The following ADARB2 variants were observed in gnomAD, a reference collection of about 807,000 sequenced individuals.
The protein encoded by ADARB2 is inactive double-stranded RNA-specific editase B2.
ADARB2 carries 25 observed loss-of-function variants against 62.2 expected under a neutral mutation model. The ratio of observed to expected loss-of-function variants is 0.40; its 90% CI spans 0.29 to 0.56. ADARB2 has a LOEUF of 0.56. Ranked by LOEUF, ADARB2 falls within the 20% of genes least tolerant of loss-of-function variation. The pLI is 0.43. For synonymous variants in ADARB2, 572 were observed against 500.8 expected (o/e 1.14, Z -1.90); for missense variants, 1,071 against 1,077.4 (o/e 0.99, Z 0.08).
At chr10:1,387,945 AAATC>A (rs1480334192) in intron 1 of ADARB2, among the ~76,000 whole-genome samples, 2 of 152,102 alleles carry the variant, frequency 1.3e-5, no homozygotes, top group African/African-American at 2.4e-5. Flanking sequence ...TACAGTTTGA[AAATC>A]AATCAATGTA....
chr10:1,623,171 G>A (rs959931676), intron 1 of ADARB2, among the ~76,000 whole-genome samples: 5 of 152,170 alleles, frequency 3.3e-5, no homozygotes, highest in African/African-American at 1.2e-4. Flanking sequence ...GGCTGGGGGT[G>A]GGATTGGATT....
Position 1,554,652 on chromosome 10 carries a change from G to A in ADARB2, c.101-175492C>T, listed in dbSNP as rs189460277. On this transcript the variant is annotated intron_variant, in intron 1 of 9. Coordinates refer to ENST00000381312, the MANE Select transcript of ADARB2 (RefSeq NM_018702.4). ...TTGTGGGCATCAGTAGGTCCTTTCC[G>A]ATTTCAAGCAACATGTGTGTCCTGG... is the stretch of plus-strand genomic sequence containing the variant. Among the ~76,000 whole-genome samples, 226 of 152,252 alleles carry A rather than the reference G, an allele frequency of 1.5e-3. 2 individuals are homozygous for A. The Middle Eastern group carries it at 0.027, about 18-fold the overall frequency.
Position 1,440,326 on chromosome 10 carries a change from A to G in ADARB2, c.101-61166T>C, listed in dbSNP as rs143510448. ...CACTGATGAGCTAGGTGACCGTGGG[A>G]CAGTCAATCTGATCCTCATGGTGTG... On this transcript the variant is annotated intron_variant, in intron 1 of 9. Coordinates refer to ENST00000381312, the MANE Select transcript of ADARB2 (RefSeq NM_018702.4). Among the ~76,000 whole-genome samples the G allele has an allele frequency of 3.5e-3, 532 of 152,266 alleles. 4 individuals are homozygous for G. The highest frequency in any genetic ancestry group is 0.012 in the African/African-American group (498 of 41,558).
rs547305872 is a variant in ADARB2, at chr10:1,687,379, A to G, written c.100+49672T>C. ...GGTGGCTTCTCCTCCCTGCCTAAGT[A>G]AAGGAAGAGTTTCCTGAATTGTGAG... is the stretch of plus-strand genomic sequence containing the variant. On this transcript the variant is annotated intron_variant, in intron 1 of 9. Coordinates refer to ENST00000381312, the MANE Select transcript of ADARB2 (RefSeq NM_018702.4). 1.3e-4 allele frequency among the ~76,000 whole-genome samples: 20 copies of G among 149,832 alleles called. No individual in the cohort carries two copies. The South Asian group carries it at 4.2e-3, about 31-fold the overall frequency.
chr10:1,219,572 G>T (rs1416798883), intron 6 of ADARB2, among the ~76,000 whole-genome samples: 1 of 152,206 alleles, frequency 6.6e-6, no homozygotes, highest in Non-Finnish European at 1.5e-5. Flanking sequence ...GCGAATGAGA[G>T]GTATTGAGCC....
chr10:1,599,554 A>C (rs545074367), intron 1 of ADARB2, among the ~76,000 whole-genome samples: 2 of 152,130 alleles, frequency 1.3e-5, no homozygotes, highest in African/African-American at 4.8e-5. Context: ...GTTAATTAAT[A>C]TTTTAATACA....
chr10:1,569,588 G>A (rs1285633309), intron 1 of ADARB2, among the ~76,000 whole-genome samples: 1 of 152,192 alleles, frequency 6.6e-6, no homozygotes, highest in Non-Finnish European at 1.5e-5. Flanking sequence ...GAGCTGCAGA[G>A]GAGGAGGCCT....
Position 1,504,367 on chromosome 10 carries a change from C to T in ADARB2, c.101-125207G>A, listed in dbSNP as rs150612183. 3.0e-4 allele frequency among the ~76,000 whole-genome samples: 45 copies of T among 152,354 alleles called. 1 individual carries two copies. Among genetic ancestry groups the T allele is most frequent in the African/African-American group, 9.4e-4 (39 of 41,598 alleles). On this transcript the variant is annotated intron_variant, in intron 1 of 9. Coordinates refer to ENST00000381312, the MANE Select transcript of ADARB2 (RefSeq NM_018702.4). ...TTCATTTTTCCAACACTCAGCCCAC[C>T]CCTTACTTTTTCCCCTCTTTAATGG...
intron 1 of ADARB2, among the ~76,000 whole-genome samples, chr10:1,458,880 A>G (rs1046313745): frequency 6.6e-6 from 1 of 151,466 alleles, no homozygotes; most frequent in Non-Finnish European, 1.5e-5. Flanking sequence ...AAGAACAAAC[A>G]TATTTAAAAA....
intron 1 of ADARB2, among the ~76,000 whole-genome samples, chr10:1,380,319 A>AT (rs1832471785): frequency 6.6e-6 from 1 of 152,222 alleles, no homozygotes. Context: ...TGGCTGTGGT[A>AT]TTGGCTACTT....
intron 4 of ADARB2, among the ~76,000 whole-genome samples, chr10:1,268,112 C>A (rs1831223836): frequency 2.0e-5 from 3 of 151,992 alleles, no homozygotes; most frequent in Non-Finnish European, 4.4e-5. Context: ...ACATTACAAA[C>A]ATAATAATGG....
chr10:1,737,177 A>C lies in ADARB2; in HGVS notation c.-27T>G, dbSNP rs776620651. 1 of 1,600,582 alleles carries C rather than the reference A, an allele frequency of 6.2e-7. No individual in the cohort carries two copies. Among genetic ancestry groups the C allele is most frequent in the Non-Finnish European group, 8.5e-7 (1 of 1,178,600 alleles). On this transcript the variant is annotated 5_prime_UTR_variant, in exon 1 of 10. Transcript: ENST00000381312. ...GCCGAGACCCAGGCGCGGAGCCCAGAGCCGCCTCCCTCCTGCACCTGCACC... is the reference window on the plus strand; with the variant it reads ...GCCGAGACCCAGGCGCGGAGCCCAGCGCCGCCTCCCTCCTGCACCTGCACC...
At chr10:1,435,263 G>C (rs1263982234) in intron 1 of ADARB2, among the ~76,000 whole-genome samples, 2 of 152,214 alleles carry the variant, frequency 1.3e-5, no homozygotes, top group Non-Finnish European at 2.9e-5. Flanking sequence ...AGACAAGAGC[G>C]GGGCTCAGGC....
chr10:1,403,619 C>T (rs1832683336), intron 1 of ADARB2, among the ~76,000 whole-genome samples: 1 of 152,168 alleles, frequency 6.6e-6, no homozygotes, highest in Non-Finnish European at 1.5e-5. Context: ...AGGGGCCCGG[C>T]AGCTGCCCAC....
intron 1 of ADARB2, among the ~76,000 whole-genome samples, chr10:1,638,510 T>G (rs1024003604): frequency 2.6e-5 from 4 of 152,008 alleles, no homozygotes; most frequent in African/African-American, 9.7e-5. Context: ...CATGAGGTTT[T>G]TTTTTTTGGT....
chr10:1,442,637 C>T (rs1174056514), intron 1 of ADARB2, among the ~76,000 whole-genome samples: 1 of 152,222 alleles, frequency 6.6e-6, no homozygotes, highest in African/African-American at 2.4e-5. Flanking sequence ...AGCAGTCGTA[C>T]TCTTGAGAGT....
At chr10:1,623,968 T>C (rs1833736678) in intron 1 of ADARB2, among the ~76,000 whole-genome samples, 1 of 152,170 alleles carries the variant, frequency 6.6e-6, no homozygotes, top group African/African-American at 2.4e-5. Flanking sequence ...GTGCAGTGAC[T>C]CACACGTATG....
chr10:1,670,632 C>T (rs369382506), intron 1 of ADARB2, among the ~76,000 whole-genome samples: 7 of 152,224 alleles, frequency 4.6e-5, no homozygotes, highest in East Asian at 3.8e-4. Flanking sequence ...AACCTGGTGC[C>T]TGGACACCTG....
At chr10:1,603,016 ACATACACACAT>A (rs1833442744) in intron 1 of ADARB2, among the ~76,000 whole-genome samples, 2 of 140,284 alleles carry the variant, frequency 1.4e-5, no homozygotes, top group Non-Finnish European at 3.2e-5. Flanking sequence ...CTGTACACAC[ACATACACACAT>A]CAATATAAAC....
Sources: gnomAD v4.1 joint callset for allele counts (sites outside exome capture counted in the v4.1 genomes callset) on GRCh38, gnomAD v4.1.1 for gene constraint, MANE v1.5 for transcripts, NCBI Gene and HGNC (gene_info 2026-07-23, HGNC 2026-07-21) for gene names.